ADAT1: variants seen among roughly 807,000 people sequenced by gnomAD.
ADAT1 encodes adenosine deaminase tRNA specific 1, also known as tRNA-specific adenosine deaminase 1.
In ADAT1, 58 loss-of-function variants were observed where a neutral mutation model predicts 58.6. The ratio of observed to expected loss-of-function variants is 0.99; its 90% CI spans 0.80 to 1.23. ADAT1 has a LOEUF of 1.23. Ranked by LOEUF, ADAT1 falls within the 50% of genes most tolerant of loss-of-function variation. The pLI is 0.00. For missense variants in ADAT1, 741 were observed against 608.6 expected, an observed-to-expected ratio of 1.22 and a Z score of -2.29; for synonymous variants, 254 against 220.8, an observed-to-expected ratio of 1.15 and a Z score of -1.33.
chr16:75,618,455 G>C (rs1390179254), intron 4 of ADAT1, 131 bp downstream of exon 4: 1 of 495,982 alleles, frequency 2.0e-6, no homozygotes, highest in Non-Finnish European at 3.5e-6. Flanking sequence ...GCAGTGAGCT[G>C]AGATCATGCC....
At chr16:75,615,338 C>T (rs1484715421) in intron 5 of ADAT1, among the ~76,000 whole-genome samples, 3 of 151,336 alleles carry the variant, frequency 2.0e-5, no homozygotes, top group African/African-American at 7.3e-5. Flanking sequence ...TGTTTGTTGA[C>T]CACTGACTTA....
intron 5 of ADAT1, among the ~76,000 whole-genome samples, chr16:75,615,230 A>G (rs1219700474): frequency 6.6e-6 from 1 of 151,620 alleles, no homozygotes; most frequent in Non-Finnish European, 1.5e-5. Flanking sequence ...AAAAACTCTC[A>G]TTTCCTTTAA....
At chr16:75,601,582 C>A (rs1392450692) in intron 9 of ADAT1, among the ~76,000 whole-genome samples, 1 of 151,794 alleles carries the variant, frequency 6.6e-6, no homozygotes, top group Non-Finnish European at 1.5e-5. Context: ...TATGGTGAAA[C>A]CCCGTCCCTA....
At position 75,599,759 on chromosome 16, in the gene ADAT1, G is replaced by T. The variant is rs1035374026; in HGVS notation, c.*457C>A. 6.0e-6 allele frequency: 6 copies of T among 992,868 alleles called. No homozygotes were observed. The East Asian group carries it at 5.6e-4, about 92-fold the overall frequency. The allele number at this position is 992,868 out of a possible 1,614,324, so 61.5% of individuals were successfully genotyped here. A position where few individuals can be genotyped will look rare whatever the true frequency, so the allele number is the denominator to read the frequency against. ...TGAGGCACAGAGCAGGATCACTGAAGAATGGGAAAAGAATGGCTCCCTGAA... is the reference window on the plus strand; with the variant it reads ...TGAGGCACAGAGCAGGATCACTGAATAATGGGAAAAGAATGGCTCCCTGAA... On this transcript the variant is annotated 3_prime_UTR_variant, in exon 10 of 10. Transcript: ENST00000564657.
intron 8 of ADAT1, among the ~76,000 whole-genome samples, chr16:75,606,051 TG>T (rs34102606): frequency 0.47 from 67,398 of 142,916 alleles, 15,806 homozygotes; most frequent in Middle Eastern, 0.54. Flanking sequence ...TTTTAGAGAT[TG>T]GGGGGGGGGT....
Position 75,599,662 on chromosome 16 carries a change from G to A in ADAT1, c.*554C>T. ...CCTTTCCTGATACCTCTGAGAACAAGTCCAGGGCAGTCCAGGGCTGGCTCA... is the reference window on the plus strand; with the variant it reads ...CCTTTCCTGATACCTCTGAGAACAAATCCAGGGCAGTCCAGGGCTGGCTCA... On this transcript the variant is annotated 3_prime_UTR_variant, in exon 10 of 10. Transcript: ENST00000564657. 1 of 986,408 alleles carries A rather than the reference G, an allele frequency of 1.0e-6. No individual in the cohort carries two copies. Among genetic ancestry groups the A allele is most frequent in the Non-Finnish European group, 1.2e-6 (1 of 830,408 alleles). The allele number at this position is 986,408 out of a possible 1,614,324, so 61.1% of individuals were successfully genotyped here.
At chr16:75,616,040 GC>G (rs1340750655) in intron 5 of ADAT1, among the ~76,000 whole-genome samples, 1 of 143,026 alleles carries the variant, frequency 7.0e-6, no homozygotes, top group East Asian at 2.0e-4. Context: ...ACTGAGTCTT[GC>G]CGGGTCATCC....
rs756741764 is a variant in ADAT1 at position 75,617,181 on chromosome 16, G to A, written c.385C>T (p.Arg129Ter). 46 of 1,613,760 alleles carry A rather than the reference G, an allele frequency of 2.9e-5. No homozygotes were observed. Among genetic ancestry groups the A allele is most frequent in the Non-Finnish European group, 3.5e-5 (41 of 1,179,830 alleles). ...GAGAAAAACACAAAAATGAGGTCTC[G>A]TCTAAGTTTCCACACTCCTTTTTGA... is the stretch of plus-strand genomic sequence containing the variant. ...GTQKGVWKLR[R>*]DLIFVFFSSH... Residue 129 changes from arginine to a stop codon, truncating the protein, a stop_gained, in exon 5 of 10, where the codon CGA (arginine) becomes TGA (stop). Coordinates refer to ENST00000564657, the MANE Select transcript of ADAT1 (RefSeq NM_001324445.2). LOFTEE classifies it high-confidence loss of function.
Position 75,623,060 on chromosome 16 carries a change from C to CCCGCGCCCGCGCGCGG in ADAT1, c.-680_-679insCCGCGCGCGGGCGCGG, listed in dbSNP as rs112935797. 2 of 152,036 alleles carry CCCGCGCCCGCGCGCGG rather than the reference C, an allele frequency of 1.3e-5. No individual in the cohort carries two copies. Among genetic ancestry groups the CCCGCGCCCGCGCGCGG allele is most frequent in the Admixed American group, 1.3e-4 (2 of 15,270 alleles). The allele number at this position is 152,036 out of a possible 1,614,324, so 9.4% of individuals were successfully genotyped here. ...CGGCTGCCAGGCCAGAGGCCCCGCG[C>CCCGCGCCCGCGCGCGG]CAGGAGCTCTTCAGGCGCCGGCTGC... is the stretch of plus-strand genomic sequence containing the variant. On this transcript the variant is annotated 5_prime_UTR_variant, in exon 1 of 10. Coordinates refer to ENST00000564657, the MANE Select transcript of ADAT1 (RefSeq NM_001324445.2).
At position 75,619,962 on chromosome 16, in the gene ADAT1, T is replaced by A. The variant is rs2081880299; in HGVS notation, c.238+304A>T. Among the ~76,000 whole-genome samples, 4 of 151,492 alleles carry A rather than the reference T, an allele frequency of 2.6e-5. No homozygotes were observed. In the South Asian group the frequency reaches 8.4e-4, roughly 32 times the overall value. On this transcript the variant is annotated intron_variant, in intron 3 of 9. Coordinates refer to ENST00000564657, the MANE Select transcript of ADAT1 (RefSeq NM_001324445.2). The stretch of plus-strand genomic sequence containing the variant: ...AGCCACTCAAGCTGCATCCTCTACC[T>A]GCTATAGAGTCCCAAAGCCTTCCAG...
At chr16:75,618,121 A>G (rs200260345) in intron 4 of ADAT1, among the ~76,000 whole-genome samples, 14,526 of 142,512 alleles carry the variant, frequency 0.1, 1,969 homozygotes, top group East Asian at 0.68. Flanking sequence ...AAAAAAAAAA[A>G]AAAGAGAGAA....
intron 6 of ADAT1, among the ~76,000 whole-genome samples, chr16:75,609,451 A>G (rs1597110012): frequency 6.6e-6 from 1 of 152,328 alleles, no homozygotes; most frequent in East Asian, 1.9e-4. Context: ...CAAGTACCAG[A>G]ATAGGAAAAA....
chr16:75,620,901 G>C (rs549310050), intron 1 of ADAT1, 81 bp from the exon 2 acceptor site: 8 of 1,250,698 alleles, frequency 6.4e-6, no homozygotes, highest in African/African-American at 6.0e-5. Context: ...TCCATGCTTC[G>C]AGTCTTTCAA....
chr16:75,609,162 A>C (rs752710813), intron 6 of ADAT1, among the ~76,000 whole-genome samples, 174 bp from the exon 7 acceptor site: 13 of 152,114 alleles, frequency 8.5e-5, no homozygotes, highest in Non-Finnish European at 1.9e-4. Flanking sequence ...CATGGCTGGA[A>C]GAAGATCCTT....
chr16:75,597,828 G>A lies in ADAT1; in HGVS notation c.*2388C>T, dbSNP rs2081112485. Reference sequence around the variant, plus strand: ...CTATGAGAATCTAATGCCACTGCTGGTATGACAGGAGGAGGAGCTACGGCA... The same window carrying A: ...CTATGAGAATCTAATGCCACTGCTGATATGACAGGAGGAGGAGCTACGGCA... On this transcript the variant is annotated 3_prime_UTR_variant, in exon 10 of 10. Coordinates refer to ENST00000564657, the MANE Select transcript of ADAT1 (RefSeq NM_001324445.2). Among the ~76,000 whole-genome samples, 1 of 152,268 alleles carries A rather than the reference G, an allele frequency of 6.6e-6. No individual in the cohort carries two copies. Among genetic ancestry groups the A allele is most frequent in the East Asian group, 1.9e-4 (1 of 5,184 alleles).
chr16:75,612,573 T>C lies in ADAT1; in HGVS notation c.713A>G (p.Glu238Gly). Residue 238 changes from glutamate to glycine, a missense_variant, in exon 6 of 10, where the codon GAG (glutamate) becomes GGG (glycine). Coordinates refer to ENST00000564657, the MANE Select transcript of ADAT1 (RefSeq NM_001324445.2). ...PGIHSCDLTV[E>G]GLATVTRIAP... ...TATTCTGGTGACAGTAGCCAGTCCC[T>C]CTACAGTGAGATCACAGCTGTGGAT... 2 of 1,614,092 alleles carry C rather than the reference T, an allele frequency of 1.2e-6. No homozygotes were observed. Among genetic ancestry groups the C allele is most frequent in the Non-Finnish European group, 1.7e-6 (2 of 1,180,026 alleles).
intron 8 of ADAT1, among the ~76,000 whole-genome samples, chr16:75,605,899 T>C (rs2081355407): frequency 7.0e-6 from 1 of 143,786 alleles, no homozygotes; most frequent in Non-Finnish European, 1.5e-5. Context: ...ATCGTGCTAC[T>C]GTACTCCAGC....
At position 75,615,084 on chromosome 16, in the gene ADAT1, G is replaced by A. The variant is rs148458275; in HGVS notation, c.424+2058C>T. Among the ~76,000 whole-genome samples the A allele has an allele frequency of 6.2e-4, 94 of 151,922 alleles. 2 individuals carry two copies. In the East Asian group the frequency reaches 0.016, roughly 25 times the overall value. On this transcript the variant is annotated intron_variant, in intron 5 of 9. Transcript: ENST00000564657. ...TACTAAAAATACAAAAAAATTAGCC[G>A]GGCGTGGTGGCGCATGCCTATATTC...
chr16:75,608,743 G>A, intron 7 of ADAT1, 100 bp downstream of exon 7: 2 of 1,435,256 alleles, frequency 1.4e-6, no homozygotes, highest in Non-Finnish European at 1.9e-6. Context: ...CCACTAGAGT[G>A]GTGAACTACC....
Sources: allele counts gnomAD v4.1 joint callset (sites outside exome capture counted in the v4.1 genomes callset), GRCh38; gene constraint gnomAD v4.1.1; transcripts MANE v1.5; gene names NCBI Gene and HGNC (gene_info 2026-07-23, HGNC 2026-07-21).